Variants in RBFOX1 observed in about 807,000 individuals in gnomAD.
The protein encoded by RBFOX1 is RNA binding fox-1 homolog 1, also known as RNA binding protein fox-1 homolog 1.
A neutral mutation model predicts 57.7 loss-of-function variants in RBFOX1; 8 were observed. That is an observed-to-expected ratio of 0.14 (90% CI 0.08 to 0.25). The LOEUF (loss-of-function observed/expected upper bound fraction) is 0.25, where lower values mean the gene tolerates loss of function less well. Ranked by LOEUF, RBFOX1 falls within the 10% of genes least tolerant of loss-of-function variation. The pLI is 1.00. For synonymous variants in RBFOX1, 326 were observed against 222.4 expected (o/e 1.47, Z -4.15); for missense variants, 611 against 548.5 (o/e 1.11, Z -1.14).
intron 3 of RBFOX1, among the ~76,000 whole-genome samples, chr16:6,943,662 T>A (rs781071306): frequency 6.6e-6 from 1 of 151,226 alleles, no homozygotes; most frequent in Non-Finnish European, 1.5e-5. Context: ...GAGCCAAGAT[T>A]GCGTCACTGC....
chr16:5,348,590 C>T (rs1316649516), intron 1 of RBFOX1, among the ~76,000 whole-genome samples: 1 of 152,144 alleles, frequency 6.6e-6, no homozygotes, highest in African/African-American at 2.4e-5. Context: ...TCTTAACCCC[C>T]CATTATTTCA....
chr16:7,172,420 C>T (rs2080876616), intron 4 of RBFOX1, among the ~76,000 whole-genome samples: 2 of 152,246 alleles, frequency 1.3e-5, no homozygotes, highest in South Asian at 2.1e-4. Context: ...TTATTCCCAC[C>T]ATGGCAGTGG....
At chr16:6,834,836 C>A (rs1383531869) in intron 3 of RBFOX1, among the ~76,000 whole-genome samples, 1 of 151,462 alleles carries the variant, frequency 6.6e-6, no homozygotes, top group Admixed American at 6.6e-5. Flanking sequence ...GTGACTTTGT[C>A]CATCTGGAAG....
At chr16:7,019,456 A>C (rs1168706570) in intron 3 of RBFOX1, among the ~76,000 whole-genome samples, 1 of 152,068 alleles carries the variant, frequency 6.6e-6, no homozygotes, top group African/African-American at 2.4e-5. Context: ...AGGTTTTGCT[A>C]AGAGATTTTG....
intron 4 of RBFOX1, among the ~76,000 whole-genome samples, chr16:7,365,283 T>A (rs1302761173): frequency 6.6e-6 from 1 of 152,240 alleles, no homozygotes; most frequent in African/African-American, 2.4e-5. Context: ...TAAAGGACCT[T>A]GCCACTTATT....
At chr16:6,709,896 C>T (rs927226959) in intron 3 of RBFOX1, among the ~76,000 whole-genome samples, 4 of 152,124 alleles carry the variant, frequency 2.6e-5, no homozygotes, top group Middle Eastern at 3.4e-3. Flanking sequence ...GGGCTACTGG[C>T]CAGATGGATC....
At chr16:7,383,169 C>T (rs1346275167) in intron 4 of RBFOX1, among the ~76,000 whole-genome samples, 3 of 151,898 alleles carry the variant, frequency 2.0e-5, no homozygotes, top group African/African-American at 7.3e-5. Context: ...TCTTGTTTAT[C>T]CCGTTGTCCA....
chr16:5,780,977 G>A (rs957729698), intron 3 of RBFOX1, among the ~76,000 whole-genome samples: 2 of 152,218 alleles, frequency 1.3e-5, no homozygotes, highest in African/African-American at 4.8e-5. Flanking sequence ...CCCTTGCGGG[G>A]TCCCGCTGGG....
intron 4 of RBFOX1, among the ~76,000 whole-genome samples, chr16:5,891,592 G>C (rs951546122): frequency 6.6e-6 from 1 of 152,112 alleles, no homozygotes; most frequent in Non-Finnish European, 1.5e-5. Context: ...ATGGCAGAGG[G>C]GTTCCTTCTA....
chr16:6,421,630 G>T (rs755720397), intron 2 of RBFOX1, among the ~76,000 whole-genome samples: 2 of 152,134 alleles, frequency 1.3e-5, no homozygotes, highest in East Asian at 1.9e-4. Context: ...GCCTCCTAGC[G>T]TCACCACGAA....
intron 2 of RBFOX1, among the ~76,000 whole-genome samples, chr16:6,602,412 G>C (rs1332143817): frequency 6.6e-6 from 1 of 152,162 alleles, no homozygotes; most frequent in Non-Finnish European, 1.5e-5. Flanking sequence ...GTTTGTCTGA[G>C]TATAGGATGG....
At chr16:5,630,864 T>C (rs2048485265) in intron 3 of RBFOX1, among the ~76,000 whole-genome samples, 1 of 152,210 alleles carries the variant, frequency 6.6e-6, no homozygotes, top group Non-Finnish European at 1.5e-5. Flanking sequence ...CTTTACATGT[T>C]TTAGTTTGCT....
At chr16:5,669,881 A>G (rs906219124) in intron 3 of RBFOX1, among the ~76,000 whole-genome samples, 4 of 152,242 alleles carry the variant, frequency 2.6e-5, no homozygotes, top group African/African-American at 7.2e-5. Context: ...AGATTTGTAC[A>G]TGAATGTTCA....
At chr16:5,864,473 C>T (rs925702030) in intron 3 of RBFOX1, among the ~76,000 whole-genome samples, 5 of 151,146 alleles carry the variant, frequency 3.3e-5, no homozygotes, top group African/African-American at 1.2e-4. Flanking sequence ...GATGTATCTC[C>T]TTTGATACAT....
chr16:7,193,262 T>C (rs2085869226), intron 4 of RBFOX1, among the ~76,000 whole-genome samples: 1 of 152,142 alleles, frequency 6.6e-6, no homozygotes, highest in Non-Finnish European at 1.5e-5. Flanking sequence ...TATTGCTGTC[T>C]GTAAGATGGA....
intron 3 of RBFOX1, among the ~76,000 whole-genome samples, chr16:6,796,026 T>C (rs2083934541): frequency 6.6e-6 from 1 of 151,792 alleles, no homozygotes; most frequent in Non-Finnish European, 1.5e-5. Flanking sequence ...ATTTTCATGC[T>C]GCTGACAAAG....
Position 6,312,707 on chromosome 16 carries a change from TCCTTCCTC to T in RBFOX1, c.-126-4286_-126-4279del, listed in dbSNP as rs1212048107. On this transcript the variant is annotated intron_variant, in intron 1 of 15. Coordinates refer to ENST00000550418, the MANE Select transcript of RBFOX1 (RefSeq NM_018723.4). The stretch of plus-strand genomic sequence containing the variant: ...TTCCTTCCTTCCTTCCTTCCTTCCT[TCCTTCCTC>T]CATTCCTTCCTTCCTTCCTTACTTC... Among the ~76,000 whole-genome samples, 51 of 124,502 alleles carry T rather than the reference TCCTTCCTC, an allele frequency of 4.1e-4. No homozygotes were observed. In the Admixed American group the frequency reaches 4.5e-3, roughly 11 times the overall value. The allele number at this position is 124,502 out of a possible 152,430, so 81.7% of individuals were successfully genotyped here.
At chr16:6,753,500 A>G (rs1179836209) in intron 3 of RBFOX1, among the ~76,000 whole-genome samples, 1 of 152,058 alleles carries the variant, frequency 6.6e-6, no homozygotes, top group Non-Finnish European at 1.5e-5. Context: ...TCCCCCTTTC[A>G]TCTCCTATAC....
intron 4 of RBFOX1, among the ~76,000 whole-genome samples, chr16:7,158,450 T>C (rs2077591295): frequency 1.3e-5 from 2 of 152,218 alleles, no homozygotes; most frequent in Non-Finnish European, 2.9e-5. Context: ...TACCACCTAC[T>C]GATGCAATCT....
Sources: gnomAD v4.1 joint callset for allele counts (sites outside exome capture counted in the v4.1 genomes callset) on GRCh38, gnomAD v4.1.1 for gene constraint, MANE v1.5 for transcripts, NCBI Gene and HGNC (gene_info 2026-07-23, HGNC 2026-07-21) for gene names.